The following PXDNL variants were observed in gnomAD, a reference collection of about 807,000 sequenced individuals.
PXDNL encodes probable oxidoreductase PXDNL.
In PXDNL, 145 loss-of-function variants were observed where a neutral mutation model predicts 150.8. The observed-to-expected ratio is 0.96, with a 90% CI of 0.84 to 1.10. The LOEUF (loss-of-function observed/expected upper bound fraction) is 1.10, where lower values mean the gene tolerates loss of function less well. Among genes scored for constraint, PXDNL ranks in the 50% least tolerant of loss-of-function variants. The pLI is 0.00. For synonymous variants in PXDNL, 757 were observed against 725.7 expected, an observed-to-expected ratio of 1.04 and a Z score of -0.69; for missense variants, 2,087 against 1,873.9, an observed-to-expected ratio of 1.11 and a Z score of -2.10.
chr8:51,389,561 C>G (rs1807827738), intron 17 of PXDNL, among the ~76,000 whole-genome samples: 1 of 152,136 alleles, frequency 6.6e-6, no homozygotes, highest in Non-Finnish European at 1.5e-5. Context: ...TGTGTGGGTA[C>G]TAAAACCTCA....
chr8:51,711,119 G>C (rs1271705415), intron 1 of PXDNL, among the ~76,000 whole-genome samples: 1 of 145,044 alleles, frequency 6.9e-6, no homozygotes, highest in Admixed American at 6.7e-5. Context: ...TAGAAAACTA[G>C]CAATTAAAAC....
intron 4 of PXDNL, among the ~76,000 whole-genome samples, chr8:51,502,386 A>C (rs1811205436): frequency 6.6e-6 from 1 of 152,174 alleles, no homozygotes; most frequent in Non-Finnish European, 1.5e-5. Flanking sequence ...GGAGAAGGAA[A>C]GTGCCCAAAG....
chr8:51,702,144 G>A (rs944939544), intron 1 of PXDNL, among the ~76,000 whole-genome samples: 3 of 152,060 alleles, frequency 2.0e-5, no homozygotes, highest in African/African-American at 7.2e-5. Flanking sequence ...TGGTCAATTT[G>A]CATAATGTAT....
intron 1 of PXDNL, among the ~76,000 whole-genome samples, chr8:51,747,186 C>A (rs1169781026): frequency 1.3e-5 from 2 of 152,206 alleles, no homozygotes; most frequent in South Asian, 2.1e-4. Flanking sequence ...GACTCAAAGA[C>A]CTGATCCAAC....
chr8:51,668,176 C>CTCTTTTTTT (rs1554564343), intron 1 of PXDNL, among the ~76,000 whole-genome samples: 1 of 77,386 alleles, frequency 1.3e-5, no homozygotes, highest in Non-Finnish European at 2.2e-5. Flanking sequence ...CTCGCTCTCT[C>CTCTTTTTTT]TTTTTTTTTT....
In PXDNL at chr8:51,409,258, C is replaced by T. The variant is rs1243029604; in HGVS notation, c.2366G>A (p.Arg789His). Reference protein sequence around the residue: ...PPRLVATVWARAAAVTPDHSY... With the variant: ...PPRLVATVWAHAAAVTPDHSY... ...GTGGTCGGGGGTGACGGCCGCCGCG[C>T]GCGCCCACACTGTGGCGACCAGCCG... is the stretch of plus-strand genomic sequence containing the variant. Residue 789 changes from arginine to histidine, a missense_variant, in exon 17 of 23, where the codon CGC becomes CAC. Arg to His is a conservative substitution (Grantham distance 29). Transcript: ENST00000356297. 1 of 1,481,142 alleles carries T rather than the reference C, an allele frequency of 6.8e-7. No individual in the cohort carries two copies. Among genetic ancestry groups the T allele is most frequent in the South Asian group, 1.3e-5 (1 of 75,476 alleles). 91.7% of individuals were successfully genotyped at this position (1,481,142 alleles called of 1,614,324 possible). A position where few individuals can be genotyped will look rare whatever the true frequency, so the allele number is the denominator to read the frequency against.
intron 17 of PXDNL, among the ~76,000 whole-genome samples, chr8:51,386,612 T>C (rs1807722250): frequency 1.3e-5 from 2 of 151,880 alleles, no homozygotes; most frequent in South Asian, 4.2e-4. Flanking sequence ...ATATAGGTAG[T>C]TAAGTGGATA....
intron 1 of PXDNL, among the ~76,000 whole-genome samples, chr8:51,728,599 A>T (rs1208810268): frequency 2.0e-5 from 3 of 152,186 alleles, no homozygotes; most frequent in Admixed American, 1.3e-4. Context: ...AAAAAAATTT[A>T]AAAATTTAAG....
chr8:51,356,043 G>A (rs1806497836), intron 19 of PXDNL, among the ~76,000 whole-genome samples: 1 of 152,230 alleles, frequency 6.6e-6, no homozygotes, highest in African/African-American at 2.4e-5. Context: ...GCAATGGGGA[G>A]TCTGAGCTCT....
intron 4 of PXDNL, among the ~76,000 whole-genome samples, chr8:51,547,601 C>T (rs1201542630): frequency 1.3e-5 from 2 of 152,082 alleles, no homozygotes; most frequent in East Asian, 1.9e-4. Context: ...TAATGGTTAC[C>T]GAAGTCTGGC....
chr8:51,608,836 CA>C (rs59195880), intron 2 of PXDNL, among the ~76,000 whole-genome samples: 196 of 59,564 alleles, frequency 3.3e-3, no homozygotes, highest in Middle Eastern at 0.023. Flanking sequence ...GACTCTGTCT[CA>C]AAAAAAAAAA....
At chr8:51,419,888 T>C (rs1314353550) in intron 14 of PXDNL, among the ~76,000 whole-genome samples, 2 of 152,198 alleles carry the variant, frequency 1.3e-5, no homozygotes, top group Non-Finnish European at 2.9e-5. Flanking sequence ...AACAAAAGGA[T>C]AGATTCCCAG....
chr8:51,445,009 C>T (rs896283263), intron 12 of PXDNL, among the ~76,000 whole-genome samples: 13 of 151,952 alleles, frequency 8.6e-5, no homozygotes, highest in African/African-American at 2.4e-4. Flanking sequence ...CAGGTTCAAA[C>T]GATTCTCCCT....
At chr8:51,794,722 A>C (rs963868138) in intron 1 of PXDNL, among the ~76,000 whole-genome samples, 1 of 152,222 alleles carries the variant, frequency 6.6e-6, no homozygotes, top group Non-Finnish European at 1.5e-5. Context: ...AAGCACAAAG[A>C]CCAATGACAC....
At chr8:51,495,576 A>G (rs1473711929) in intron 5 of PXDNL, among the ~76,000 whole-genome samples, 2 of 152,236 alleles carry the variant, frequency 1.3e-5, no homozygotes, top group Non-Finnish European at 2.9e-5. Flanking sequence ...AAATAGATGC[A>G]ATAAAAAATG....
At chr8:51,741,102 T>A (rs1186803188) in intron 1 of PXDNL, among the ~76,000 whole-genome samples, 3 of 152,220 alleles carry the variant, frequency 2.0e-5, no homozygotes, top group Admixed American at 6.5e-5. Flanking sequence ...GTTTTTTGTT[T>A]GTGTGTTTGT....
At chr8:51,412,170 A>G (rs1027694663) in intron 15 of PXDNL, among the ~76,000 whole-genome samples, 2 of 152,216 alleles carry the variant, frequency 1.3e-5, no homozygotes, top group African/African-American at 2.4e-5. Flanking sequence ...AGAGACTTTG[A>G]TCAACTGAGG....
intron 4 of PXDNL, among the ~76,000 whole-genome samples, chr8:51,523,093 C>A (rs7008608): frequency 0.024 from 3,617 of 152,048 alleles, 147 homozygotes; most frequent in African/African-American, 0.082. Flanking sequence ...TTTAACCTAT[C>A]ATTAAAAAAC....
intron 3 of PXDNL, among the ~76,000 whole-genome samples, chr8:51,580,422 G>T (rs1010681403): frequency 1.3e-5 from 2 of 152,122 alleles, no homozygotes; most frequent in Admixed American, 6.6e-5. Flanking sequence ...AATGTAGATT[G>T]AAATGAATGA....
Sources: gnomAD v4.1 joint callset for allele counts (sites outside exome capture counted in the v4.1 genomes callset) on GRCh38, gnomAD v4.1.1 for gene constraint, MANE v1.5 for transcripts, NCBI Gene and HGNC (gene_info 2026-07-23, HGNC 2026-07-21) for gene names.